CCDC148: variants seen among roughly 807,000 people sequenced by gnomAD.
CCDC148 encodes the protein coiled-coil domain containing 148, also known as coiled-coil domain-containing protein 148.
A neutral mutation model predicts 85.7 loss-of-function variants in CCDC148; 89 were observed. That is an observed-to-expected ratio of 1.04 (90% CI 0.87 to 1.24). The LOEUF (loss-of-function observed/expected upper bound fraction) is 1.24, where lower values mean the gene tolerates loss of function less well. Among genes scored for constraint, CCDC148 ranks in the 50% most tolerant of loss-of-function variants. The pLI is 0.00. For missense variants in CCDC148, 692 were observed against 671.7 expected (o/e 1.03, Z -0.33); for synonymous variants, 230 against 213.9 (o/e 1.08, Z -0.66).
At chr2:158,427,316 A>G (rs551877232) in intron 1 of CCDC148, among the ~76,000 whole-genome samples, 2 of 152,168 alleles carry the variant, frequency 1.3e-5, no homozygotes, top group Non-Finnish European at 2.9e-5. Flanking sequence ...CCACTTATCC[A>G]TTCAAAAATA....
intron 11 of CCDC148, among the ~76,000 whole-genome samples, chr2:158,197,092 G>A (rs1685712364): frequency 6.6e-6 from 1 of 152,116 alleles, no homozygotes; most frequent in Non-Finnish European, 1.5e-5. Context: ...TAAGGCTAAT[G>A]GGGAACTGAA....
intron 1 of CCDC148, among the ~76,000 whole-genome samples, chr2:158,412,598 C>T (rs1380150982): frequency 6.6e-6 from 1 of 152,090 alleles, no homozygotes; most frequent in Non-Finnish European, 1.5e-5. Context: ...ATAGGAAGCA[C>T]TTTATGGAAA....
At chr2:158,225,248 G>T (rs2105306918) in intron 10 of CCDC148, among the ~76,000 whole-genome samples, 1 of 152,298 alleles carries the variant, frequency 6.6e-6, no homozygotes, top group South Asian at 2.1e-4. Context: ...TCAACAAGAA[G>T]AGCTAACTAT....
chr2:158,278,682 T>C (rs1334631443), intron 9 of CCDC148, among the ~76,000 whole-genome samples: 4 of 152,344 alleles, frequency 2.6e-5, no homozygotes, highest in Admixed American at 6.5e-5. Flanking sequence ...CTCTGTAGGC[T>C]CCGCCTCTGG....
intron 1 of CCDC148, among the ~76,000 whole-genome samples, chr2:158,391,977 C>T (rs77925214): frequency 0.054 from 8,286 of 152,086 alleles, 431 homozygotes; most frequent in African/African-American, 0.13. Context: ...AGATTCTCCC[C>T]AACTGGCAGT....
intron 1 of CCDC148, among the ~76,000 whole-genome samples, chr2:158,422,503 C>T (rs535593568): frequency 2.0e-4 from 31 of 151,996 alleles, no homozygotes; most frequent in Non-Finnish European, 2.5e-4. Context: ...TCTCAATAGA[C>T]GCAGAAAAGG....
In CCDC148 at chr2:158,456,419, A is replaced by G. The variant is rs1442844494; in HGVS notation, c.21T>C (p.Ser7=). 1 of 1,611,840 alleles carries G rather than the reference A, an allele frequency of 6.2e-7. No homozygotes were observed. The highest frequency in any genetic ancestry group is 2.2e-5 in the East Asian group (1 of 44,862). ...AGGGATGGGGTGCAAACTCACCTGG[A>G]GAAGCAGAAGCTGCACACATGTCAA... is the stretch of plus-strand genomic sequence containing the variant. MCAASA[S]PDNLVFHMKN... is the part of the protein sequence containing the mutation. Residue 7 remains serine, a synonymous_variant, in exon 1 of 14, where the codon TCT becomes TCC. Coordinates refer to ENST00000283233, the MANE Select transcript of CCDC148 (RefSeq NM_138803.4).
chr2:158,310,506 GA>G (rs1691929736), intron 8 of CCDC148, among the ~76,000 whole-genome samples: 2 of 151,550 alleles, frequency 1.3e-5, no homozygotes, highest in African/African-American at 4.8e-5. Context: ...CGGCTGGGCA[GA>G]GGGGCCCCCC....
intron 11 of CCDC148, among the ~76,000 whole-genome samples, chr2:158,195,907 A>C (rs753080047): frequency 4.6e-5 from 7 of 152,142 alleles, no homozygotes; most frequent in Non-Finnish European, 1.0e-4. Context: ...AAAGTTTATC[A>C]GGGGAGGCAG....
chr2:158,320,657 G>A (rs987060624), intron 7 of CCDC148, among the ~76,000 whole-genome samples: 1 of 152,074 alleles, frequency 6.6e-6, no homozygotes, highest in Non-Finnish European at 1.5e-5. Context: ...AATAACAAAT[G>A]TCAGTTGTCC....
intron 10 of CCDC148, among the ~76,000 whole-genome samples, chr2:158,225,794 A>G (rs982895382): frequency 1.1e-4 from 16 of 152,322 alleles, no homozygotes; most frequent in Admixed American, 2.0e-4. Flanking sequence ...TCTCTGGGAC[A>G]CATTCAAAGC....
chr2:158,243,767 C>G (rs1188015145), intron 10 of CCDC148, among the ~76,000 whole-genome samples: 4 of 152,192 alleles, frequency 2.6e-5, no homozygotes, highest in Non-Finnish European at 4.4e-5. Flanking sequence ...CTTTTCCAAT[C>G]TAGATAGGTC....
chr2:158,251,665 A>T (rs974650647), intron 9 of CCDC148, among the ~76,000 whole-genome samples: 2 of 151,830 alleles, frequency 1.3e-5, no homozygotes, highest in African/African-American at 2.4e-5. Context: ...TAAATCAATT[A>T]TGGTTCTTTT....
At chr2:158,445,570 T>C (rs1688124876) in intron 1 of CCDC148, among the ~76,000 whole-genome samples, 1 of 152,126 alleles carries the variant, frequency 6.6e-6, no homozygotes, top group African/African-American at 2.4e-5. Context: ...CTTCCAGTAA[T>C]TGGGGTAGAC....
intron 1 of CCDC148, among the ~76,000 whole-genome samples, chr2:158,421,068 G>T (rs1239889788): frequency 2.6e-5 from 4 of 152,022 alleles, no homozygotes; most frequent in Non-Finnish European, 5.9e-5. Flanking sequence ...CTCAATACAG[G>T]AGCACCCAGA....
rs543181135 is a variant in CCDC148 at position 158,325,528 on chromosome 2, T to G, written c.765-11634A>C. 4.3e-4 allele frequency among the ~76,000 whole-genome samples: 65 copies of G among 152,286 alleles called. 1 individual carries two copies. Among genetic ancestry groups the G allele is most frequent in the African/African-American group, 1.5e-3 (62 of 41,576 alleles). ...TTCCTCTCTTTACTCACTACTTTAG[T>G]GATCACATCCAATCTCATGCTAATG... On this transcript the variant is annotated intron_variant, in intron 7 of 13. Transcript: ENST00000283233.
chr2:158,291,686 C>A (rs571729369), intron 9 of CCDC148, among the ~76,000 whole-genome samples: 2 of 152,318 alleles, frequency 1.3e-5, no homozygotes, highest in South Asian at 4.1e-4. Flanking sequence ...CACTCCATAA[C>A]AGCCAAATGT....
intron 1 of CCDC148, among the ~76,000 whole-genome samples, chr2:158,402,183 A>T (rs1397103432): frequency 6.6e-6 from 1 of 152,082 alleles, no homozygotes; most frequent in African/African-American, 2.4e-5. Flanking sequence ...AAAAGTAAAG[A>T]ACAAAAAGAT....
intron 1 of CCDC148, among the ~76,000 whole-genome samples, chr2:158,429,282 T>A (rs1300276938): frequency 6.6e-6 from 1 of 151,962 alleles, no homozygotes. Flanking sequence ...ACTTAAAGTA[T>A]AATAATAATA....
Sources: gnomAD v4.1 joint callset for allele counts (sites outside exome capture counted in the v4.1 genomes callset) on GRCh38, gnomAD v4.1.1 for gene constraint, MANE v1.5 for transcripts, NCBI Gene and HGNC (gene_info 2026-07-23, HGNC 2026-07-21) for gene names.